Variants in CRTAC1 observed in about 807,000 individuals in gnomAD.
CRTAC1 encodes acidic secreted protein in cartilage.
A neutral mutation model predicts 67.8 loss-of-function variants in CRTAC1; 37 were observed. The observed-to-expected ratio is 0.55, with a 90% confidence interval of 0.42 to 0.72. The LOEUF is 0.72. CRTAC1 is among the 30% of genes least tolerant of loss of function. The pLI is 0.00. For missense variants in CRTAC1, 780 were observed against 931.6 expected, an observed-to-expected ratio of 0.84 and a Z score of 2.12; for synonymous variants, 348 against 371.0, an observed-to-expected ratio of 0.94 and a Z score of 0.71.
At chr10:97,914,872 C>T (rs1034364824) in intron 5 of CRTAC1, among the ~76,000 whole-genome samples, 4 of 152,170 alleles carry the variant, frequency 2.6e-5, no homozygotes, top group African/African-American at 4.8e-5. Context: ...CCCAATCTCT[C>T]GCTTGGCCAC....
At chr10:97,980,444 C>G (rs1386541801) in intron 2 of CRTAC1, among the ~76,000 whole-genome samples, 1 of 152,192 alleles carries the variant, frequency 6.6e-6, no homozygotes, top group East Asian at 1.9e-4. Flanking sequence ...CTCCAAGAGT[C>G]CCATACCTGC....
intron 2 of CRTAC1, among the ~76,000 whole-genome samples, chr10:97,950,434 C>T (rs2051337115): frequency 6.6e-6 from 1 of 152,136 alleles, no homozygotes; most frequent in Admixed American, 6.5e-5. Context: ...TTGCTGAGGA[C>T]CTGGTCAGCT....
At chr10:97,877,863 C>A (rs575407829) in intron 14 of CRTAC1, among the ~76,000 whole-genome samples, 8 of 152,340 alleles carry the variant, frequency 5.3e-5, no homozygotes, top group South Asian at 2.1e-4. Context: ...TCACCCTGAA[C>A]CCCCTGATGT....
At chr10:97,967,176 A>G (rs2051632103) in intron 2 of CRTAC1, among the ~76,000 whole-genome samples, 1 of 152,114 alleles carries the variant, frequency 6.6e-6, no homozygotes, top group Non-Finnish European at 1.5e-5. Flanking sequence ...TCATTTATTT[A>G]TATCAGTATA....
intron 2 of CRTAC1, among the ~76,000 whole-genome samples, chr10:97,981,698 C>T (rs2051894553): frequency 6.6e-6 from 1 of 152,134 alleles, no homozygotes; most frequent in South Asian, 2.1e-4. Context: ...TTTTTAGGCT[C>T]TTTGTACCTT....
intron 1 of CRTAC1, among the ~76,000 whole-genome samples, chr10:98,027,692 CT>C (rs1189995025): frequency 6.6e-6 from 1 of 152,018 alleles, no homozygotes; most frequent in Non-Finnish European, 1.5e-5. Flanking sequence ...ATGACAAGAA[CT>C]GTATTTTCTC....
Position 97,895,248 on chromosome 10 carries a change from G to A in CRTAC1, c.1483C>T (p.Leu495=). 1 of 1,610,516 alleles carries A rather than the reference G, an allele frequency of 6.2e-7. No individual in the cohort carries two copies. The highest frequency in any genetic ancestry group is 8.5e-7 in the Non-Finnish European group (1 of 1,179,962). ...CCCCCACCGGACCCCGACTCACCCA[G>A]GCCAAAGTGTGCCACGGGCTCCATC... The part of the protein sequence containing the change: ...CEMEPVAHFG[L]GKDEASSVEV... The change falls in exon 11 of 15, where the codon CTG becomes TTG. Residue 495 remains leucine (L), a synonymous_variant. Transcript: ENST00000370597. The surrounding 1 kb of genome is among the most constrained non-coding windows in gnomAD (Gnocchi z 4.2).
chr10:97,907,970 G>A (rs778601773), intron 6 of CRTAC1, 43 bp downstream of exon 6: 4 of 1,609,426 alleles, frequency 2.5e-6, no homozygotes, highest in East Asian at 2.2e-5. Context: ...GTGGGTCTGG[G>A]GTGAGGGGTC....
chr10:97,908,108 C>T lies in CRTAC1; in HGVS notation c.755G>A (p.Ser252Asn). 1 of 1,614,178 alleles carries T rather than the reference C, an allele frequency of 6.2e-7. No homozygotes were observed. The highest frequency in any genetic ancestry group is 1.6e-4 in the Middle Eastern group (1 of 6,062). ...GVSVGPILSS[S>N]ASDIFCDNEN... ...ATTGTCGCAGAAGATATCCGAGGCA[C>T]TGCTGCTGAGGATGGGGCCCACGCT... Residue 252 changes from serine (S) to asparagine (N), a missense_variant, in exon 6 of 15, where the codon AGT (serine) becomes AAT (asparagine). Coordinates refer to ENST00000370597, the MANE Select transcript of CRTAC1 (RefSeq NM_018058.7).
Position 97,895,516 on chromosome 10 carries a change from G to C in CRTAC1, c.1318-103C>G. ...GGAGGGGGAGAGGGAGAAGAAGGAG[G>C]AAGAGAAGAAAGCAGGCAGAGGAAA... is the stretch of plus-strand genomic sequence containing the variant. On this transcript the variant is annotated intron_variant, in intron 10 of 14. Transcript: ENST00000370597. The surrounding 1 kb of genome is among the most constrained non-coding windows in gnomAD (Gnocchi z 4.2). The C allele has an allele frequency of 9.6e-7, 1 of 1,042,756 alleles. No individual in the cohort carries two copies. Among genetic ancestry groups the C allele is most frequent in the Non-Finnish European group, 1.4e-6 (1 of 719,904 alleles). 64.6% of individuals were successfully genotyped at this position (1,042,756 alleles called of 1,614,324 possible).
chr10:98,021,004 TATTCACTCATTC>T (rs1843106517), intron 1 of CRTAC1, among the ~76,000 whole-genome samples: 1 of 143,828 alleles, frequency 7.0e-6, no homozygotes, highest in African/African-American at 2.8e-5. Context: ...TGGAGGCCAC[TATTCACTCATTC>T]ATTCATTCAT....
At chr10:97,946,840 A>G (rs2051272846) in intron 2 of CRTAC1, among the ~76,000 whole-genome samples, 1 of 152,132 alleles carries the variant, frequency 6.6e-6, no homozygotes. Flanking sequence ...AGAAATTGGA[A>G]CAATGTTTGA....
intron 1 of CRTAC1, among the ~76,000 whole-genome samples, chr10:98,022,819 T>C (rs368889478): frequency 1.1e-4 from 17 of 152,118 alleles, no homozygotes; most frequent in East Asian, 5.8e-4. Flanking sequence ...GTGTGCAGGA[T>C]GGATAGACCG....
At chr10:98,011,441 T>A in intron 1 of CRTAC1, 104 bp from the exon 2 acceptor site, 3 of 1,344,830 alleles carry the variant, frequency 2.2e-6, no homozygotes, top group South Asian at 1.3e-5. Flanking sequence ...CTCCCATTCA[T>A]GGAGAGCTTG....
chr10:97,931,334 C>T (rs2051000705), intron 3 of CRTAC1, among the ~76,000 whole-genome samples: 1 of 152,174 alleles, frequency 6.6e-6, no homozygotes, highest in African/African-American at 2.4e-5. Context: ...AATTCTATTT[C>T]TATGAACTCA....
At chr10:97,903,450 G>A (rs2050568901) in intron 7 of CRTAC1, among the ~76,000 whole-genome samples, 1 of 151,734 alleles carries the variant, frequency 6.6e-6, no homozygotes, top group South Asian at 2.1e-4. Flanking sequence ...CTGGGCTCAG[G>A]GCATGCCTCT....
intron 2 of CRTAC1, among the ~76,000 whole-genome samples, chr10:97,962,202 G>T (rs185941983): frequency 6.6e-6 from 1 of 152,178 alleles, no homozygotes; most frequent in African/African-American, 2.4e-5. Flanking sequence ...AACACTCCAG[G>T]CAGAAAAAAG....
chr10:97,976,364 C>G (rs891276156), intron 2 of CRTAC1, among the ~76,000 whole-genome samples: 1 of 152,192 alleles, frequency 6.6e-6, no homozygotes, highest in African/African-American at 2.4e-5. Context: ...TCCCAGCTCC[C>G]CATAGGGTAG....
At chr10:97,910,519 TAAG>T (rs1388035606) in intron 5 of CRTAC1, among the ~76,000 whole-genome samples, 3 of 152,164 alleles carry the variant, frequency 2.0e-5, no homozygotes, top group Admixed American at 1.3e-4. Context: ...TTTACTATAA[TAAG>T]AAGAGTTATC....
Sources: allele counts gnomAD v4.1 joint callset (sites outside exome capture counted in the v4.1 genomes callset), GRCh38; gene constraint gnomAD v4.1.1; non-coding constraint Gnocchi (gnomAD v3.1); transcripts MANE v1.5; gene names NCBI Gene and HGNC (gene_info 2026-07-23, HGNC 2026-07-21).